MOCS2: variants seen among roughly 807,000 people sequenced by gnomAD.
MOCS2 encodes the protein molybdopterin synthase catalytic subunit.
In MOCS2, 13 loss-of-function variants were observed where a neutral mutation model predicts 21.9. That is an observed-to-expected ratio of 0.59 (90% CI 0.39 to 0.94). MOCS2 has a LOEUF of 0.94. Among genes scored for constraint, MOCS2 ranks in the 40% least tolerant of loss-of-function variants. The pLI is 0.00. For missense variants in MOCS2, 227 were observed against 218.3 expected (o/e 1.04, Z -0.25); for synonymous variants, 92 against 80.8 (o/e 1.14, Z -0.74).
At chr5:53,102,807 C>G (rs1164950101) in intron 3 of MOCS2, among the ~76,000 whole-genome samples, 1 of 151,816 alleles carries the variant, frequency 6.6e-6, no homozygotes, top group Admixed American at 6.6e-5. Flanking sequence ...ATTAGCCAGG[C>G]GGTAGTGGCA....
intron 6 of MOCS2, among the ~76,000 whole-genome samples, chr5:53,100,081 T>C (rs1438962641): frequency 3.3e-5 from 5 of 152,168 alleles, no homozygotes; most frequent in Non-Finnish European, 5.9e-5. Context: ...ATTACCTAAA[T>C]AGCTAATGCA....
Position 53,098,514 on chromosome 5 carries a change from A to G in MOCS2, c.*88T>C. Reference sequence around the variant, plus strand: ...ATAAGAGATTGTGCTTCAGTAAACTATCCTGATGTGGAGAGAAAAAAATCA... The same window carrying G: ...ATAAGAGATTGTGCTTCAGTAAACTGTCCTGATGTGGAGAGAAAAAAATCA... On this transcript the variant is annotated 3_prime_UTR_variant, in exon 7 of 7. Transcript: ENST00000396954. The G allele has an allele frequency of 8.4e-7, 1 of 1,184,726 alleles. No individual in the cohort carries two copies. The highest frequency in any genetic ancestry group is 1.5e-5 in the African/African-American group (1 of 66,420). 73.4% of individuals were successfully genotyped at this position (1,184,726 alleles called of 1,614,324 possible).
intron 6 of MOCS2, among the ~76,000 whole-genome samples, chr5:53,099,980 A>C (rs1341280973): frequency 6.6e-6 from 1 of 151,962 alleles, no homozygotes; most frequent in Admixed American, 6.6e-5. Context: ...GCATTTTCTC[A>C]GAGGGAGCAA....
chr5:53,099,555 C>CTTA (rs3834255), intron 6 of MOCS2, among the ~76,000 whole-genome samples: 1 of 152,156 alleles, frequency 6.6e-6, no homozygotes, highest in Non-Finnish European at 1.5e-5. Context: ...CCTACGTATT[C>CTTA]TAACAATGGG....
rs1740733666 is a variant in MOCS2, at chr5:53,096,419, T to C, written c.*2183A>G. ...TGAATTTCCTATTTCTTAAGTGAACTTACCTAGCAATCATGCAAAGTCACG... is the reference window on the plus strand; with the variant it reads ...TGAATTTCCTATTTCTTAAGTGAACCTACCTAGCAATCATGCAAAGTCACG... On this transcript the variant is annotated 3_prime_UTR_variant, in exon 7 of 7. Transcript: ENST00000396954. The C allele has an allele frequency of 6.6e-6, 1 of 152,236 alleles. No individual in the cohort carries two copies. 9.4% of individuals were successfully genotyped at this position (152,236 alleles called of 1,614,324 possible).
intron 6 of MOCS2, 191 bp from the exon 7 acceptor site, chr5:53,098,858 T>C: frequency 5.0e-6 from 3 of 602,476 alleles, no homozygotes; most frequent in South Asian, 4.2e-5. Flanking sequence ...TTAAACATTT[T>C]TTTTTCTTTC....
At chr5:53,100,089 G>A (rs1054553104) in intron 6 of MOCS2, among the ~76,000 whole-genome samples, 1 of 151,952 alleles carries the variant, frequency 6.6e-6, no homozygotes, top group Non-Finnish European at 1.5e-5. Context: ...AATAGCTAAT[G>A]CATTATTCTC....
In MOCS2 at chr5:53,098,616, C is replaced by T; in HGVS notation, c.553G>A (p.Ala185Thr). 7 of 1,613,638 alleles carry T rather than the reference C, an allele frequency of 4.3e-6. No individual in the cohort carries two copies. The highest frequency in any genetic ancestry group is 5.9e-6 in the Non-Finnish European group (7 of 1,179,702). Residue 185 changes from alanine to threonine, a missense_variant, in exon 7 of 7, where the codon GCA becomes ACA. Physicochemically the swap from Ala to Thr is moderately conservative, Grantham distance 58. Transcript: ENST00000396954. ...TWKGNKECFW[A>T]SNS ...AACATAAGTGATTAACTGTTGGATG[C>T]CCAAAAGCACTCTTTGTTTCCTTTC...
chr5:53,106,968 G>A (rs1341038551), intron 3 of MOCS2, 109 bp downstream of exon 3: 5 of 1,221,668 alleles, frequency 4.1e-6, no homozygotes, highest in South Asian at 1.4e-5. Context: ...ATAAAGATTT[G>A]GTACAGACAG....
At position 53,108,574 on chromosome 5, in the gene MOCS2, G is replaced by C. The variant is rs754015492; in HGVS notation, c.-100C>G. 6.2e-7 allele frequency: 1 copy of C among 1,613,464 alleles called. No individual in the cohort carries two copies. Among genetic ancestry groups the C allele is most frequent in the Non-Finnish European group, 8.5e-7 (1 of 1,179,628 alleles). On this transcript the variant is annotated 5_prime_UTR_variant, in exon 2 of 7. Transcript: ENST00000396954. ...CACAGCTGCAACGCTTTTATTTCTTGAGGCACAGAAATGGTCTCTGAACGA... is the reference window on the plus strand; with the variant it reads ...CACAGCTGCAACGCTTTTATTTCTTCAGGCACAGAAATGGTCTCTGAACGA...
At position 53,098,441 on chromosome 5, in the gene MOCS2, A is replaced by C; in HGVS notation, c.*161T>G. 2.7e-5 allele frequency: 18 copies of C among 672,274 alleles called. No individual in the cohort carries two copies. Among genetic ancestry groups the C allele is most frequent in the Non-Finnish European group, 3.0e-5 (11 of 370,256 alleles). The allele number at this position is 672,274 out of a possible 1,614,324, so 41.6% of individuals were successfully genotyped here. A position where few individuals can be genotyped will look rare whatever the true frequency, so the allele number is the denominator to read the frequency against. ...TCCATTTTAAATAACCCTTCATCCTACATACCCATTTATCTTGCTTCCTTT... is the reference window on the plus strand; with the variant it reads ...TCCATTTTAAATAACCCTTCATCCTCCATACCCATTTATCTTGCTTCCTTT... On this transcript the variant is annotated 3_prime_UTR_variant, in exon 7 of 7. Transcript: ENST00000396954.
At chr5:53,099,551 T>TA (rs1315356364) in intron 6 of MOCS2, among the ~76,000 whole-genome samples, 2 of 148,648 alleles carry the variant, frequency 1.3e-5, no homozygotes, top group Non-Finnish European at 3.0e-5. Context: ...AATCCCTACG[T>TA]ATTCTAACAA....
intron 4 of MOCS2, 23 bp downstream of exon 4, chr5:53,102,074 A>G (rs749861298): frequency 1.9e-6 from 3 of 1,610,572 alleles, no homozygotes; most frequent in African/African-American, 2.7e-5. Flanking sequence ...ACAGTGATAG[A>G]TGCAATGAAA....
chr5:53,107,547 T>C (rs1741085952), intron 2 of MOCS2: 2 of 307,994 alleles, frequency 6.5e-6, no homozygotes, highest in South Asian at 3.7e-5. Context: ...AATCAGTACA[T>C]GGCCTTTCCA....
In MOCS2 at chr5:53,102,153, T is replaced by A. The variant is rs1163319655; in HGVS notation, c.170A>T (p.Asp57Val). 6.2e-7 allele frequency: 1 copy of A among 1,613,546 alleles called. No individual in the cohort carries two copies. Among genetic ancestry groups the A allele is most frequent in the Non-Finnish European group, 8.5e-7 (1 of 1,179,674 alleles). The change falls in exon 4 of 7, where the codon GAT becomes GTT. Residue 57 changes from aspartate (D) to valine (V), a missense_variant. By Grantham distance (152) the Asp-to-Val change is radical. Coordinates refer to ENST00000396954, the MANE Select transcript of MOCS2 (RefSeq NM_004531.5). Reference sequence around the variant, plus strand: ...AGAAATCACCAACTGTGAGACTTCATCTACTGAAAGTTTCTCGGCAGTAAA... The same window carrying A: ...AGAAATCACCAACTGTGAGACTTCAACTACTGAAAGTTTCTCGGCAGTAAA... The part of the protein sequence containing the change: ...INFTAEKLSV[D>V]EVSQLVISPL...
chr5:53,102,641 C>G (rs1740945225), intron 3 of MOCS2, among the ~76,000 whole-genome samples: 1 of 152,074 alleles, frequency 6.6e-6, no homozygotes, highest in African/African-American at 2.4e-5. Context: ...TTCAGCTAGT[C>G]TGCAGCCCTC....
chr5:53,105,504 G>A (rs913728753), intron 3 of MOCS2, among the ~76,000 whole-genome samples: 1 of 152,120 alleles, frequency 6.6e-6, no homozygotes, highest in Non-Finnish European at 1.5e-5. Flanking sequence ...CATGGTGCTG[G>A]GATAACTGGC....
In MOCS2 at chr5:53,098,601, A is replaced by G. The variant is rs747335478; in HGVS notation, c.*1T>C. 53 of 1,612,688 alleles carry G rather than the reference A, an allele frequency of 3.3e-5. No homozygotes were observed. The South Asian group carries it at 5.6e-4, about 17-fold the overall frequency. The stretch of plus-strand genomic sequence containing the variant: ...ATTGCATGCTCTAAAAACATAAGTG[A>G]TTAACTGTTGGATGCCCAAAAGCAC... On this transcript the variant is annotated 3_prime_UTR_variant, in exon 7 of 7. Coordinates refer to ENST00000396954, the MANE Select transcript of MOCS2 (RefSeq NM_004531.5).
chr5:53,103,340 A>T lies in MOCS2; in HGVS notation c.99-1116T>A, dbSNP rs188253495. 1.8e-3 allele frequency among the ~76,000 whole-genome samples: 271 copies of T among 152,188 alleles called. 3 individuals carry two copies. The highest frequency in any genetic ancestry group is 6.2e-3 in the Admixed American group (95 of 15,280). On this transcript the variant is annotated intron_variant, in intron 3 of 6. Coordinates refer to ENST00000396954, the MANE Select transcript of MOCS2 (RefSeq NM_004531.5). ...ATACAGTGGAGGTATTGCCACTTTC[A>T]CCTACATGCCCATCCCCTCTCACCA...
Sources: gnomAD v4.1 joint callset for allele counts (sites outside exome capture counted in the v4.1 genomes callset) on GRCh38, gnomAD v4.1.1 for gene constraint, MANE v1.5 for transcripts, NCBI Gene and HGNC (gene_info 2026-07-23, HGNC 2026-07-21) for gene names.